Variants in SH3RF3 observed in about 807,000 individuals in gnomAD.
SH3RF3 encodes E3 ubiquitin-protein ligase SH3RF3.
In SH3RF3, 29 loss-of-function variants were observed where a neutral mutation model predicts 66.3. The ratio of observed to expected loss-of-function variants is 0.44; its 90% CI spans 0.33 to 0.60. The LOEUF is 0.60. Among genes scored for constraint, SH3RF3 ranks in the 20% least tolerant of loss-of-function variants. The pLI is 0.04. For missense variants in SH3RF3, 1,194 were observed against 1,190.9 expected (o/e 1.00, Z -0.04); for synonymous variants, 583 against 532.0 (o/e 1.10, Z -1.32).
intron 1 of SH3RF3, among the ~76,000 whole-genome samples, chr2:109,325,774 G>A (rs1682139705): frequency 6.6e-6 from 1 of 152,178 alleles, no homozygotes; most frequent in Admixed American, 6.5e-5. Flanking sequence ...GTGTGTAGGG[G>A]TTCAGGTGCC....
intron 1 of SH3RF3, among the ~76,000 whole-genome samples, chr2:109,204,341 A>G (rs1678756503): frequency 6.6e-6 from 1 of 152,220 alleles, no homozygotes; most frequent in Non-Finnish European, 1.5e-5. Flanking sequence ...ATCTCACCTA[A>G]GAGAGTTAGC....
intron 1 of SH3RF3, among the ~76,000 whole-genome samples, chr2:109,161,575 A>G (rs1677491087): frequency 6.6e-6 from 1 of 151,714 alleles, no homozygotes; most frequent in South Asian, 2.1e-4. Context: ...TTAATAAAGA[A>G]AAAAAAGGTT....
At chr2:109,449,746 G>A (rs1677812241) in intron 8 of SH3RF3, among the ~76,000 whole-genome samples, 1 of 152,316 alleles carries the variant, frequency 6.6e-6, no homozygotes, top group African/African-American at 2.4e-5. Flanking sequence ...TCAGAAAAAG[G>A]TGTCCCCTCT....
At chr2:109,402,787 G>A (rs1373347773) in intron 4 of SH3RF3, among the ~76,000 whole-genome samples, 2 of 152,230 alleles carry the variant, frequency 1.3e-5, no homozygotes, top group Admixed American at 6.5e-5. Flanking sequence ...ATTACAGATC[G>A]TGGGTTGTGT....
intron 8 of SH3RF3, among the ~76,000 whole-genome samples, chr2:109,456,865 T>C (rs1678072594): frequency 6.6e-6 from 1 of 152,190 alleles, no homozygotes; most frequent in Admixed American, 6.5e-5. Context: ...GCTTCTCTTC[T>C]GGGGAGAATA....
chr2:109,130,261 T>G, intron 1 of SH3RF3, 148 bp downstream of exon 1: 2 of 820,480 alleles, frequency 2.4e-6, no homozygotes, highest in Non-Finnish European at 3.3e-6. Context: ...CCAACTTCGC[T>G]TGCTTGGTGG....
intron 1 of SH3RF3, among the ~76,000 whole-genome samples, chr2:109,240,238 G>A (rs1367899349): frequency 1.3e-5 from 2 of 152,164 alleles, no homozygotes; most frequent in South Asian, 2.1e-4. Context: ...GGTGGCTCAC[G>A]CCTATAATTT....
chr2:109,441,494 A>T (rs765498888), intron 7 of SH3RF3, among the ~76,000 whole-genome samples: 16 of 152,244 alleles, frequency 1.1e-4, no homozygotes, highest in Non-Finnish European at 1.8e-4. Flanking sequence ...GAAGCCGTGG[A>T]AAGTGGAACA....
At chr2:109,428,601 G>T (rs558795547) in intron 5 of SH3RF3, among the ~76,000 whole-genome samples, 1 of 152,216 alleles carries the variant, frequency 6.6e-6, no homozygotes. Flanking sequence ...CCCTCAAGAG[G>T]CGCTTTTTCT....
chr2:109,500,729 A>G (rs992664535), intron 9 of SH3RF3, among the ~76,000 whole-genome samples: 5 of 152,152 alleles, frequency 3.3e-5, no homozygotes, highest in African/African-American at 1.2e-4. Flanking sequence ...CCAGCGGATC[A>G]CTTGCACTCA....
At position 109,211,858 on chromosome 2, in the gene SH3RF3, G is replaced by A. The variant is rs1678989760; in HGVS notation, c.573+81745G>A. Among the ~76,000 whole-genome samples, 5 of 152,174 alleles carry A rather than the reference G, an allele frequency of 3.3e-5. No homozygotes were observed. The South Asian group carries it at 1.0e-3, about 31-fold the overall frequency. ...GGGTTTCCCCATGTTGGCCAGGCTG[G>A]TTTCAAACTCTGGACCACAGGTGAT... is the stretch of plus-strand genomic sequence containing the variant. On this transcript the variant is annotated intron_variant, in intron 1 of 9. Transcript: ENST00000309415.
chr2:109,418,081 C>T (rs1676772644), intron 4 of SH3RF3, among the ~76,000 whole-genome samples: 1 of 152,076 alleles, frequency 6.6e-6, no homozygotes, highest in African/African-American at 2.4e-5. Context: ...CAGGCACCTT[C>T]CCCATTCAGA....
intron 8 of SH3RF3, 138 bp from the exon 9 acceptor site, chr2:109,490,467 G>A: frequency 4.1e-6 from 3 of 731,172 alleles, no homozygotes; most frequent in Non-Finnish European, 4.0e-6. Context: ...GTTGCTGTGA[G>A]TGGTAAAGTC....
At chr2:109,302,659 C>T (rs1409470261) in intron 1 of SH3RF3, among the ~76,000 whole-genome samples, 2 of 152,190 alleles carry the variant, frequency 1.3e-5, no homozygotes, top group African/African-American at 2.4e-5. Context: ...CTCGGGATGG[C>T]GTGACCTCTG....
intron 2 of SH3RF3, among the ~76,000 whole-genome samples, chr2:109,363,438 A>G (rs1310981032): frequency 6.6e-6 from 1 of 152,222 alleles, no homozygotes; most frequent in Non-Finnish European, 1.5e-5. Context: ...ATGTAAACAC[A>G]CACACATAAG....
intron 1 of SH3RF3, among the ~76,000 whole-genome samples, chr2:109,344,514 C>A (rs972050467): frequency 6.6e-6 from 1 of 152,214 alleles, no homozygotes; most frequent in African/African-American, 2.4e-5. Context: ...AGCTCGGATC[C>A]CCTGAGGTCA....
chr2:109,188,139 A>C (rs1678243839), intron 1 of SH3RF3, among the ~76,000 whole-genome samples: 1 of 152,242 alleles, frequency 6.6e-6, no homozygotes, highest in Non-Finnish European at 1.5e-5. Flanking sequence ...GGGAAACAAA[A>C]TATGACTTAC....
At chr2:109,259,826 G>T (rs1435391618) in intron 1 of SH3RF3, among the ~76,000 whole-genome samples, 3 of 152,116 alleles carry the variant, frequency 2.0e-5, no homozygotes, top group Non-Finnish European at 4.4e-5. Flanking sequence ...TGTTTGTCTG[G>T]CTCTGAGAGC....
chr2:109,359,165 T>C (rs1342719519), intron 2 of SH3RF3, among the ~76,000 whole-genome samples: 1 of 152,240 alleles, frequency 6.6e-6, no homozygotes, highest in African/African-American at 2.4e-5. Context: ...AATGACAGAC[T>C]GTCTTCATTA....
Sources: gnomAD v4.1 joint callset for allele counts (sites outside exome capture counted in the v4.1 genomes callset) on GRCh38, gnomAD v4.1.1 for gene constraint, MANE v1.5 for transcripts, NCBI Gene and HGNC (gene_info 2026-07-23, HGNC 2026-07-21) for gene names.